Variants in DLGAP1 observed in about 807,000 individuals in gnomAD.
The protein encoded by DLGAP1 is disks large-associated protein 1.
In DLGAP1, 11 loss-of-function variants were observed where a neutral mutation model predicts 90.8. The ratio of observed to expected loss-of-function variants is 0.12; its 90% CI spans 0.08 to 0.20. DLGAP1 has a LOEUF of 0.20. Ranked by LOEUF, DLGAP1 falls within the 10% of genes least tolerant of loss-of-function variation. DLGAP1 has a pLI of 1.00. For missense variants in DLGAP1, 1,050 were observed against 1,333.8 expected (o/e 0.79, Z 3.31); for synonymous variants, 558 against 540.7 (o/e 1.03, Z -0.44).
Position 3,496,301 on chromosome 18 carries a change from C to G in DLGAP1, c.*2884G>C, listed in dbSNP as rs1171497146. The G allele has an allele frequency of 1.3e-5, 2 of 151,980 alleles. No homozygotes were observed. Among genetic ancestry groups the G allele is most frequent in the Non-Finnish European group, 2.9e-5 (2 of 68,012 alleles). The allele number at this position is 151,980 out of a possible 1,614,324, so 9.4% of individuals were successfully genotyped here. ...CAGTTATTTAAAATATGCATCTAGACATGTTTTAAAAAAGAAATGGTAAAT... is the reference window on the plus strand; with the variant it reads ...CAGTTATTTAAAATATGCATCTAGAGATGTTTTAAAAAAGAAATGGTAAAT... On this transcript the variant is annotated 3_prime_UTR_variant, in exon 13 of 13. Coordinates refer to ENST00000315677, the MANE Select transcript of DLGAP1 (RefSeq NM_004746.4).
chr18:3,508,168 G>C (rs1185013575), intron 11 of DLGAP1, among the ~76,000 whole-genome samples: 2 of 152,284 alleles, frequency 1.3e-5, no homozygotes, highest in African/African-American at 2.4e-5. Context: ...TTAGGAAATA[G>C]TCATTGACTG....
chr18:4,073,079 T>C (rs888720408), intron 2 of DLGAP1, among the ~76,000 whole-genome samples: 50 of 152,120 alleles, frequency 3.3e-4, no homozygotes, highest in African/African-American at 1.1e-3. Context: ...CACATAATCA[T>C]GGACACACAC....
At chr18:4,363,026 T>A (rs2081662775) in intron 1 of DLGAP1, among the ~76,000 whole-genome samples, 1 of 152,022 alleles carries the variant, frequency 6.6e-6, no homozygotes, top group Non-Finnish European at 1.5e-5. Flanking sequence ...AAAGCCAACA[T>A]CACAGCTAAC....
At chr18:4,087,092 T>TACAC (rs1283559367) in intron 2 of DLGAP1, among the ~76,000 whole-genome samples, 20 of 93,776 alleles carry the variant, frequency 2.1e-4, no homozygotes, top group African/African-American at 8.9e-4. Context: ...TATGTATATA[T>TACAC]GTATATATGT....
At chr18:4,137,979 T>C (rs764304448) in intron 2 of DLGAP1, among the ~76,000 whole-genome samples, 5 of 152,136 alleles carry the variant, frequency 3.3e-5, no homozygotes, top group African/African-American at 4.8e-5. Flanking sequence ...GCAACGTTAC[T>C]GAATTTATCA....
At chr18:3,603,242 G>C (rs1016700127) in intron 7 of DLGAP1, 1 of 151,966 alleles carries the variant, frequency 6.6e-6, no homozygotes. Flanking sequence ...GTAATAAAAC[G>C]GTTGCCTTAT....
At chr18:3,797,257 C>T (rs2066041706) in intron 5 of DLGAP1, among the ~76,000 whole-genome samples, 1 of 151,292 alleles carries the variant, frequency 6.6e-6, no homozygotes, top group African/African-American at 2.4e-5. Context: ...ACCCGGGAGG[C>T]AGAGGTTGCA....
chr18:4,014,383 C>T (rs1161040657), intron 2 of DLGAP1, among the ~76,000 whole-genome samples: 1 of 152,146 alleles, frequency 6.6e-6, no homozygotes, highest in Admixed American at 6.5e-5. Context: ...CCTTATCCTT[C>T]ACAGCAAATA....
At chr18:3,503,358 T>C (rs891045560) in intron 11 of DLGAP1, among the ~76,000 whole-genome samples, 7 of 152,348 alleles carry the variant, frequency 4.6e-5, no homozygotes, top group African/African-American at 1.7e-4. Flanking sequence ...TGCTAAGTGA[T>C]AGTAAACATT....
chr18:4,033,895 T>C (rs138595490), intron 2 of DLGAP1, among the ~76,000 whole-genome samples: 2,139 of 148,848 alleles, frequency 0.014, 53 homozygotes, highest in African/African-American at 0.05. Context: ...CGTGCCACCA[T>C]GCCTGGCTAA....
intron 4 of DLGAP1, among the ~76,000 whole-genome samples, chr18:3,854,717 T>A (rs1348510029): frequency 6.6e-6 from 1 of 152,162 alleles, no homozygotes; most frequent in Non-Finnish European, 1.5e-5. Flanking sequence ...ACCACCTGAG[T>A]GTGCAGTACA....
At chr18:3,858,520 A>G (rs2148721820) in intron 4 of DLGAP1, among the ~76,000 whole-genome samples, 1 of 146,926 alleles carries the variant, frequency 6.8e-6, no homozygotes, top group African/African-American at 2.5e-5. Context: ...ATACACGTAT[A>G]TATATATGCA....
At position 4,383,770 on chromosome 18, in the gene DLGAP1, GA is replaced by G. The variant is rs144879944; in HGVS notation, c.-267+71235del. Reference sequence around the variant, plus strand: ...AAACACAAATATCATGATATTGAAGGAAAGAAGCAGAATTGTTCCATCTCCA... The same window carrying G: ...AAACACAAATATCATGATATTGAAGGAAGAAGCAGAATTGTTCCATCTCCA... On this transcript the variant is annotated intron_variant, in intron 1 of 12. Coordinates refer to ENST00000315677, the MANE Select transcript of DLGAP1 (RefSeq NM_004746.4). This position sits in a 1 kb window ranked among gnomAD's most constrained non-coding sequence, Gnocchi z 4.0. Among the ~76,000 whole-genome samples, 1,164 of 152,188 alleles carry G rather than the reference GA, an allele frequency of 7.6e-3. 6 individuals carry two copies. The highest frequency in any genetic ancestry group is 0.012 in the Non-Finnish European group (823 of 67,980).
chr18:4,098,904 A>C (rs747931454), intron 2 of DLGAP1, among the ~76,000 whole-genome samples: 12 of 152,202 alleles, frequency 7.9e-5, no homozygotes, highest in Non-Finnish European at 1.3e-4. Flanking sequence ...TAAGTCCAGA[A>C]GTCTGAACAT....
intron 7 of DLGAP1, among the ~76,000 whole-genome samples, chr18:3,673,017 C>T (rs913496222): frequency 1.3e-5 from 2 of 152,178 alleles, no homozygotes; most frequent in Non-Finnish European, 2.9e-5. Context: ...GAATGATACT[C>T]TAAGACACCG....
chr18:4,194,624 C>G (rs7228896), intron 1 of DLGAP1, among the ~76,000 whole-genome samples: 111,791 of 151,972 alleles, frequency 0.74, 41,174 homozygotes, highest in Admixed American at 0.79. Flanking sequence ...AAATTATTTT[C>G]AGCTAACATC....
At chr18:3,507,431 G>A (rs945343774) in intron 11 of DLGAP1, among the ~76,000 whole-genome samples, 2 of 152,060 alleles carry the variant, frequency 1.3e-5, no homozygotes, top group African/African-American at 2.4e-5. Context: ...CAGGAGAATC[G>A]CTTGAACCTG....
chr18:4,221,927 AAC>A (rs1175472821), intron 1 of DLGAP1, among the ~76,000 whole-genome samples: 2 of 152,248 alleles, frequency 1.3e-5, no homozygotes, highest in African/African-American at 2.4e-5. Flanking sequence ...TTCTTTTTGA[AAC>A]AGTCTTTTCA....
intron 1 of DLGAP1, among the ~76,000 whole-genome samples, chr18:4,212,763 G>A (rs777455131): frequency 4.6e-5 from 7 of 151,434 alleles, no homozygotes; most frequent in East Asian, 1.9e-4. Context: ...ATCAATATAC[G>A]TCACATAGAT....
Sources: allele counts gnomAD v4.1 joint callset (sites outside exome capture counted in the v4.1 genomes callset), GRCh38; gene constraint gnomAD v4.1.1; non-coding constraint Gnocchi (gnomAD v3.1); transcripts MANE v1.5; gene names NCBI Gene and HGNC (gene_info 2026-07-23, HGNC 2026-07-21).